The following B3GLCT variants were observed in gnomAD, a reference collection of about 807,000 sequenced individuals.
B3GLCT encodes the protein beta-1,3-glucosyltransferase.
Under a neutral mutation model 63.4 loss-of-function variants are expected in B3GLCT, and 65 were observed. The observed-to-expected ratio is 1.03, with a 90% confidence interval of 0.84 to 1.26. The LOEUF is 1.26. Ranked by LOEUF, B3GLCT falls within the 50% of genes most tolerant of loss-of-function variation. The pLI is 0.00. For synonymous variants in B3GLCT, 233 were observed against 219.2 expected (o/e 1.06, Z -0.55); for missense variants, 577 against 604.8 (o/e 0.95, Z 0.48).
At position 31,284,653 on chromosome 13, in the gene B3GLCT, A is replaced by G. The variant is rs116754126; in HGVS notation, c.856A>G (p.Ile286Val). The G allele has an allele frequency of 6.4e-5, 102 of 1,584,742 alleles. No individual in the cohort carries two copies. In the African/African-American group the frequency reaches 1.1e-3, roughly 17 times the overall value. The change falls in exon 11 of 15, where the codon ATT (isoleucine) becomes GTT (valine). Residue 286 changes from isoleucine (I) to valine (V), a missense_variant. Coordinates refer to ENST00000343307, the MANE Select transcript of B3GLCT (RefSeq NM_194318.4). ...CACCTCTGTAATTTTTTCAGTACCT[A>G]TTGTTAAGCAGACTTGGGAGAGCCA... ...CKKFHGDRIP[I>V]VKQTWESQAS...
At chr13:31,236,132 G>A (rs1566055131) in intron 4 of B3GLCT, among the ~76,000 whole-genome samples, 1 of 152,194 alleles carries the variant, frequency 6.6e-6, no homozygotes, top group Non-Finnish European at 1.5e-5. Context: ...CCAGAGGGAG[G>A]TGGGACCTGT....
At chr13:31,286,651 A>C (rs1873347973) in intron 11 of B3GLCT, 69 bp from the exon 12 acceptor site, 1 of 1,134,828 alleles carries the variant, frequency 8.8e-7, no homozygotes, top group Non-Finnish European at 1.3e-6. Context: ...AAAACTAAAA[A>C]GAAATGAACA....
intron 7 of B3GLCT, among the ~76,000 whole-genome samples, chr13:31,264,313 C>G (rs899957529): frequency 2.0e-5 from 3 of 152,152 alleles, no homozygotes; most frequent in Non-Finnish European, 4.4e-5. Context: ...ATTCCCAGCA[C>G]TTCCCCGTGA....
chr13:31,222,991 G>C lies in B3GLCT; in HGVS notation c.160G>C (p.Asp54His), dbSNP rs1869897681. ...KSGISRKNDI[D>H]LKGIVFVIQS... is the part of the protein sequence containing the mutation. ...TGGTATATCAAGGAAAAATGACATA[G>C]GTAAGTAATGATTTTTTTTACCTAA... Residue 54 changes from aspartate (D) to histidine (H), a missense_variant and splice_region_variant, in exon 3 of 15, where the codon GAC (aspartate) becomes CAC (histidine). Asp to His is a moderately conservative substitution (Grantham distance 81). Transcript: ENST00000343307. 6.7e-7 allele frequency: 1 copy of C among 1,494,812 alleles called. No individual in the cohort carries two copies. Among genetic ancestry groups the C allele is most frequent in the Non-Finnish European group, 9.3e-7 (1 of 1,072,482 alleles). The allele number at this position is 1,494,812 out of a possible 1,614,324, so 92.6% of individuals were successfully genotyped here. A position where few individuals can be genotyped will look rare whatever the true frequency, so the allele number is the denominator to read the frequency against.
chr13:31,313,589 G>A (rs1048373951), intron 12 of B3GLCT, among the ~76,000 whole-genome samples: 2 of 152,184 alleles, frequency 1.3e-5, no homozygotes, highest in Admixed American at 1.3e-4. Flanking sequence ...TTCAAGAGCT[G>A]ACTTGGATCC....
intron 1 of B3GLCT, among the ~76,000 whole-genome samples, chr13:31,200,721 G>A (rs1234284442): frequency 2.0e-5 from 3 of 152,022 alleles, no homozygotes; most frequent in Admixed American, 6.5e-5. Flanking sequence ...CCTCCGCAGG[G>A]CCTTCGGGAC....
chr13:31,290,672 C>T (rs556189842), intron 12 of B3GLCT, among the ~76,000 whole-genome samples: 143 of 152,286 alleles, frequency 9.4e-4, no homozygotes, highest in African/African-American at 3.2e-3. Flanking sequence ...TGAGAAGCGT[C>T]TGTTCATATC....
At position 31,276,872 on chromosome 13, in the gene B3GLCT, A is replaced by C; in HGVS notation, c.850+101A>C. ...TGAGTGTAAATTCAGAAAAGGGATA[A>C]TGACAATTCGGATGTTGAAGTGAAA... is the stretch of plus-strand genomic sequence containing the variant. On this transcript the variant is annotated intron_variant, in intron 10 of 14. Transcript: ENST00000343307. 1.0e-5 allele frequency: 9 copies of C among 878,988 alleles called. No homozygotes were observed. The South Asian group carries it at 1.2e-4, about 12-fold the overall frequency. 54.4% of individuals were successfully genotyped at this position (878,988 alleles called of 1,614,324 possible). A position where few individuals can be genotyped will look rare whatever the true frequency, so the allele number is the denominator to read the frequency against.
chr13:31,319,662 T>G (rs1875236479), intron 13 of B3GLCT, among the ~76,000 whole-genome samples: 1 of 152,178 alleles, frequency 6.6e-6, no homozygotes, highest in Non-Finnish European at 1.5e-5. Flanking sequence ...CTTCTCACCC[T>G]GTATTGTCCC....
intron 1 of B3GLCT, among the ~76,000 whole-genome samples, chr13:31,200,783 A>C (rs1483326305): frequency 9.9e-5 from 15 of 151,934 alleles, no homozygotes; most frequent in Admixed American, 9.2e-4. Context: ...CCCTTCCCGG[A>C]TTCCGACCCG....
intron 8 of B3GLCT, among the ~76,000 whole-genome samples, chr13:31,274,154 A>G (rs1259428177): frequency 1.3e-5 from 2 of 152,178 alleles, no homozygotes; most frequent in East Asian, 1.9e-4. Context: ...CAAGTTGAGT[A>G]TTTGGGGTAT....
intron 2 of B3GLCT, among the ~76,000 whole-genome samples, chr13:31,222,235 T>G (rs1869849917): frequency 6.6e-6 from 1 of 152,090 alleles, no homozygotes; most frequent in Non-Finnish European, 1.5e-5. Flanking sequence ...CCTGCCATCA[T>G]GCCCGGCTAA....
At position 31,314,548 on chromosome 13, in the gene B3GLCT, C is replaced by A. The variant is rs188185162; in HGVS notation, c.1065-3018C>A. On this transcript the variant is annotated intron_variant, in intron 12 of 14. Coordinates refer to ENST00000343307, the MANE Select transcript of B3GLCT (RefSeq NM_194318.4). ...TTCATTTTGGCCAATTTCTCCTATT[C>A]AGAATGGCTGTATTTACCCAATGCC... Among the ~76,000 whole-genome samples, 359 of 152,308 alleles carry A rather than the reference C, an allele frequency of 2.4e-3. 1 individual carries two copies. Among genetic ancestry groups the A allele is most frequent in the African/African-American group, 8.3e-3 (346 of 41,562 alleles).
chr13:31,255,648 A>G (rs1455012172), intron 6 of B3GLCT, among the ~76,000 whole-genome samples: 1 of 152,198 alleles, frequency 6.6e-6, no homozygotes, highest in Non-Finnish European at 1.5e-5. Context: ...AAGTAACACC[A>G]CACATCTACA....
chr13:31,242,862 C>CT lies in B3GLCT; in HGVS notation c.271-4153dup, dbSNP rs558263920. Among the ~76,000 whole-genome samples, 11 of 151,990 alleles carry CT rather than the reference C, an allele frequency of 7.2e-5. No individual in the cohort carries two copies. In the East Asian group the frequency reaches 1.2e-3, roughly 16 times the overall value. On this transcript the variant is annotated intron_variant, in intron 4 of 14. Coordinates refer to ENST00000343307, the MANE Select transcript of B3GLCT (RefSeq NM_194318.4). ...AGACAGGTATCTAGAAAAATCTTTT[C>CT]TTTTTTTTGTAATATAGACTCAGAT...
chr13:31,276,246 C>T (rs965399839), intron 9 of B3GLCT, among the ~76,000 whole-genome samples: 8 of 152,134 alleles, frequency 5.3e-5, no homozygotes, highest in Non-Finnish European at 5.9e-5. Flanking sequence ...TAAAGTAAGG[C>T]CAGGCCCAGA....
At chr13:31,213,178 G>A (rs894614597) in intron 1 of B3GLCT, among the ~76,000 whole-genome samples, 1 of 152,214 alleles carries the variant, frequency 6.6e-6, no homozygotes, top group Non-Finnish European at 1.5e-5. Flanking sequence ...GTCCTTTTGT[G>A]ATGTGACTCT....
intron 4 of B3GLCT, among the ~76,000 whole-genome samples, 164 bp downstream of exon 4, chr13:31,229,458 T>TC (rs1870264433): frequency 1.3e-5 from 2 of 152,204 alleles, no homozygotes; most frequent in South Asian, 4.1e-4. Context: ...TGAAAATGTT[T>TC]CGGTCAGCTG....
Position 31,263,096 on chromosome 13 carries a change from G to A in B3GLCT, c.596+2014G>A, listed in dbSNP as rs566554872. ...CCCAGGTAGAGCTATATGGCAAGCG[G>A]GGGTGTAATCATTTCCTTGAAGCCA... is the stretch of plus-strand genomic sequence containing the variant. On this transcript the variant is annotated intron_variant, in intron 7 of 14. Transcript: ENST00000343307. Among the ~76,000 whole-genome samples, 17 of 152,246 alleles carry A rather than the reference G, an allele frequency of 1.1e-4. No homozygotes were observed. The South Asian group carries it at 3.5e-3, about 32-fold the overall frequency.
Sources: gnomAD v4.1 joint callset for allele counts (sites outside exome capture counted in the v4.1 genomes callset) on GRCh38, gnomAD v4.1.1 for gene constraint, MANE v1.5 for transcripts, NCBI Gene and HGNC (gene_info 2026-07-23, HGNC 2026-07-21) for gene names.